DOCK6: variants seen among roughly 807,000 people sequenced by gnomAD.
DOCK6 encodes dedicator of cytokinesis 6.
In DOCK6, 167 loss-of-function variants were observed where a neutral mutation model predicts 230.3. The ratio of observed to expected loss-of-function variants is 0.73; its 90% confidence interval spans 0.64 to 0.82. The LOEUF (loss-of-function observed/expected upper bound fraction) is 0.82, where lower values mean the gene tolerates loss of function less well. DOCK6 is among the 40% of genes least tolerant of loss of function. The pLI is 0.00. For missense variants in DOCK6, 2,598 were observed against 2,825.8 expected (o/e 0.92, Z 1.83); for synonymous variants, 1,148 against 1,185.0 (o/e 0.97, Z 0.64).
rs1400337227 is a variant in DOCK6 at position 11,221,976 on chromosome 19, A to AG, written c.3424dup (p.Leu1142ProfsTer6). ...GGGGTCAGTGTCATGGCCACATAGC[A>AG]GGCTGTGCACAGCACTGATGGCCTT... is the stretch of plus-strand genomic sequence containing the variant. On this transcript the variant is annotated frameshift_variant, in exon 28 of 48. Coordinates refer to ENST00000294618, the MANE Select transcript of DOCK6 (RefSeq NM_020812.4). LOFTEE classifies it high-confidence loss of function. 13 of 1,613,782 alleles carry AG rather than the reference A, an allele frequency of 8.1e-6. No homozygotes were observed. The highest frequency in any genetic ancestry group is 1.1e-5 in the Non-Finnish European group (13 of 1,179,878).
chr19:11,255,822 T>C (rs2080188242), intron 1 of DOCK6, among the ~76,000 whole-genome samples: 1 of 152,348 alleles, frequency 6.6e-6, no homozygotes, highest in South Asian at 2.1e-4. Context: ...AGTCTCGATC[T>C]GTTGCCCACG....
Position 11,209,019 on chromosome 19 carries a change from G to C in DOCK6, c.4836C>G (p.Asn1612Lys). ...NMAGKHAELG[N>K]HAEAAQCMVH... Reference sequence around the variant, plus strand: ...CCATGCACTGGGCGGCCTCGGCGTGGTTGCCCAGCTCCGCGTGCTTCCCGG... The same window carrying C: ...CCATGCACTGGGCGGCCTCGGCGTGCTTGCCCAGCTCCGCGTGCTTCCCGG... Residue 1612 changes from asparagine (N) to lysine (K), a missense_variant, in exon 38 of 48, where the codon AAC becomes AAG. Physicochemically the swap from Asn to Lys is moderately conservative, Grantham distance 94 (BLOSUM62 0). Coordinates refer to ENST00000294618, the MANE Select transcript of DOCK6 (RefSeq NM_020812.4). 6.2e-7 allele frequency: 1 copy of C among 1,611,868 alleles called. No homozygotes were observed. Among genetic ancestry groups the C allele is most frequent in the African/African-American group, 1.3e-5 (1 of 74,974 alleles).
rs748525735 is a variant in DOCK6, at chr19:11,202,510, C to A, written c.5362-27G>T. The A allele has an allele frequency of 6.8e-6, 11 of 1,613,166 alleles. No individual in the cohort carries two copies. The African/African-American group carries it at 1.1e-4, about 16-fold the overall frequency. On this transcript the variant is annotated intron_variant, in intron 42 of 47. Transcript: ENST00000294618. This position sits in a 1 kb window ranked among gnomAD's most constrained non-coding sequence, Gnocchi z 5.3. Reference sequence around the variant, plus strand: ...TGGAGACACAGGGCTGACTCGGGGCCACCCAGGGACAGCCCCTACTCCAGC... The same window carrying A: ...TGGAGACACAGGGCTGACTCGGGGCAACCCAGGGACAGCCCCTACTCCAGC...
At chr19:11,204,743 T>G (rs753977473) in intron 39 of DOCK6, among the ~76,000 whole-genome samples, 12 of 152,064 alleles carry the variant, frequency 7.9e-5, no homozygotes, top group Non-Finnish European at 1.6e-4. Flanking sequence ...GGTCTCACTA[T>G]ATTGCCCTAG....
chr19:11,211,754 G>A, intron 37 of DOCK6, 22 bp downstream of exon 37: 2 of 1,536,918 alleles, frequency 1.3e-6, no homozygotes. Context: ...CGTGGCTGAA[G>A]GTGCCAGCTG....
intron 22 of DOCK6, chr19:11,229,445 A>G: frequency 1.1e-6 from 1 of 904,154 alleles, no homozygotes; most frequent in Non-Finnish European, 1.3e-6. Context: ...GTGAAGGGGT[A>G]TGTGGTTGGA....
Position 11,226,898 on chromosome 19 carries a change from C to G in DOCK6, c.2955+439G>C, listed in dbSNP as rs2079674307. On this transcript the variant is annotated intron_variant, in intron 24 of 47. Coordinates refer to ENST00000294618, the MANE Select transcript of DOCK6 (RefSeq NM_020812.4). ...CTGACTGTGCTAAGGGTTAATGGATCTGCCTTGTCACTTCCCCGCTCCCAC... is the reference window on the plus strand; with the variant it reads ...CTGACTGTGCTAAGGGTTAATGGATGTGCCTTGTCACTTCCCCGCTCCCAC... 2.0e-5 allele frequency among the ~76,000 whole-genome samples: 3 copies of G among 152,266 alleles called. No individual in the cohort carries two copies. The South Asian group carries it at 6.2e-4, about 32-fold the overall frequency.
intron 32 of DOCK6, 89 bp downstream of exon 32, chr19:11,215,298 G>T: frequency 1.7e-6 from 2 of 1,195,958 alleles, no homozygotes; most frequent in South Asian, 1.3e-5. Context: ...TGTTGCCCAG[G>T]CTGGTCTCGA....
chr19:11,233,465 T>G (rs2079800617), intron 21 of DOCK6, 99 bp from the exon 22 acceptor site: 1 of 1,417,086 alleles, frequency 7.1e-7, no homozygotes, highest in African/African-American at 1.4e-5. Context: ...ACTTTCCTTC[T>G]CTGAGCCTCT....
chr19:11,215,470 C>T lies in DOCK6; in HGVS notation c.4023G>A (p.Glu1341=), dbSNP rs1216001157. 1 of 1,611,778 alleles carries T rather than the reference C, an allele frequency of 6.2e-7. No individual in the cohort carries two copies. The highest frequency in any genetic ancestry group is 1.4e-5 in the African/African-American group (1 of 73,722). The change falls in exon 32 of 48, where the codon GAG becomes GAA. Residue 1341 remains glutamate (E), a splice_region_variant and synonymous_variant. Transcript: ENST00000294618. ...TCTCCGGATTCCCAAACGGGCTCCT[C>T]TCTGAGACGCGTGGGTGCACGATCA... ...ARQEMVRRSR[E]RSPFGNPENV...
intron 31 of DOCK6, 114 bp downstream of exon 31, chr19:11,215,687 C>G: frequency 2.6e-6 from 4 of 1,551,060 alleles, no homozygotes; most frequent in Non-Finnish European, 3.5e-6. Context: ...GGACTTCTCT[C>G]CAGGAAAAGT....
intron 6 of DOCK6, among the ~76,000 whole-genome samples, chr19:11,249,898 C>CA (rs1198954379): frequency 0.71 from 35,785 of 50,470 alleles, 14,000 homozygotes; most frequent in Middle Eastern, 0.86. Flanking sequence ...GACTCCATCT[C>CA]AAAAAAAAAA....
chr19:11,257,167 T>TATC (rs1413370838), intron 1 of DOCK6, among the ~76,000 whole-genome samples: 1 of 150,834 alleles, frequency 6.6e-6, no homozygotes, highest in African/African-American at 2.4e-5. Flanking sequence ...TTATTATTAT[T>TATC]ATTATTATTT....
intron 32 of DOCK6, 35 bp downstream of exon 32, chr19:11,215,352 C>G (rs969781510): frequency 1.9e-6 from 3 of 1,599,550 alleles, no homozygotes; most frequent in African/African-American, 1.3e-5. Flanking sequence ...CCAAACTGTT[C>G]TGAACTCAGC....
Position 11,201,485 on chromosome 19 carries a change from C to T in DOCK6, c.5688+404G>A, listed in dbSNP as rs1008376856. On this transcript the variant is annotated intron_variant, in intron 44 of 47. Transcript: ENST00000294618. The surrounding 1 kb of genome is among the most constrained non-coding windows in gnomAD (Gnocchi z 4.3). ...TTTGTGAGTCTAGAATCCCTGGGTC[C>T]TCCTGGGTCTGGAGGTAGAGGTTTC... Among the ~76,000 whole-genome samples, 1 of 151,182 alleles carries T rather than the reference C, an allele frequency of 6.6e-6. No homozygotes were observed. Among genetic ancestry groups the T allele is most frequent in the East Asian group, 1.9e-4 (1 of 5,130 alleles).
intron 6 of DOCK6, among the ~76,000 whole-genome samples, chr19:11,249,578 A>C (rs915156276): frequency 3.3e-5 from 5 of 150,748 alleles, no homozygotes; most frequent in South Asian, 2.1e-4. Context: ...TAAATATAGG[A>C]GTATATAGTA....
At chr19:11,241,723 C>T (rs1443869484) in intron 14 of DOCK6, 2 of 1,572,008 alleles carry the variant, frequency 1.3e-6, no homozygotes, top group Admixed American at 1.9e-5. Flanking sequence ...AATCATGCTG[C>T]AAGGAACACT....
Position 11,222,400 on chromosome 19 carries a change from A to G in DOCK6, c.3241-152T>C, listed in dbSNP as rs926658888. ...AAGTCATCTGGAGGTGACAGTGGGC[A>G]TGGGTTTCAAGGCCAGAAGTGAGGG... On this transcript the variant is annotated intron_variant, in intron 26 of 47. Coordinates refer to ENST00000294618, the MANE Select transcript of DOCK6 (RefSeq NM_020812.4). The surrounding 1 kb of genome is among the most constrained non-coding windows in gnomAD (Gnocchi z 4.0). The G allele has an allele frequency of 6.1e-6, 7 of 1,145,206 alleles. No homozygotes were observed. The African/African-American group carries it at 1.1e-4, about 18-fold the overall frequency. The allele number at this position is 1,145,206 out of a possible 1,614,324, so 70.9% of individuals were successfully genotyped here.
intron 28 of DOCK6, among the ~76,000 whole-genome samples, chr19:11,220,369 A>G (rs1313798892): frequency 6.6e-6 from 1 of 152,178 alleles, no homozygotes; most frequent in Non-Finnish European, 1.5e-5. Context: ...GTCAACAAAT[A>G]TATAGCAGAT....
Sources: allele counts gnomAD v4.1 joint callset (sites outside exome capture counted in the v4.1 genomes callset), GRCh38; gene constraint gnomAD v4.1.1; non-coding constraint Gnocchi (gnomAD v3.1); transcripts MANE v1.5; gene names NCBI Gene and HGNC (gene_info 2026-07-23, HGNC 2026-07-21).